Variants in TRMT11 observed in about 807,000 individuals in gnomAD.
TRMT11 encodes tRNA methyltransferase 11.
In TRMT11, 53 loss-of-function variants were observed where a neutral mutation model predicts 62.8. That is an observed-to-expected ratio of 0.84 (90% CI 0.68 to 1.06). TRMT11 has a LOEUF of 1.06. Among genes scored for constraint, TRMT11 ranks in the 50% least tolerant of loss-of-function variants. The pLI is 0.00. For missense variants in TRMT11, 556 were observed against 553.4 expected (o/e 1.00, Z -0.05); for synonymous variants, 188 against 190.3 (o/e 0.99, Z 0.10).
chr6:125,989,118 T>C (rs1173851316), intron 1 of TRMT11, among the ~76,000 whole-genome samples: 1 of 148,306 alleles, frequency 6.7e-6, no homozygotes, highest in Admixed American at 6.8e-5. Flanking sequence ...CTAAGGAGTT[T>C]GGATTCTTTT....
At chr6:126,240,413 G>T in the TRMT11 span, among the ~76,000 whole-genome samples, 1 of 152,176 alleles carries the variant, frequency 6.6e-6, no homozygotes, top group Non-Finnish European at 1.5e-5. Context: ...CTGTTTGTTA[G>T]TTTTCCTTCT....
downstream of TRMT11, among the ~76,000 whole-genome samples, chr6:126,203,824 G>A (rs997237050): frequency 1.3e-5 from 2 of 152,068 alleles, no homozygotes; most frequent in African/African-American, 4.8e-5. Flanking sequence ...AATATTCTGT[G>A]TATAGAATGA....
chr6:126,244,192 A>G, the TRMT11 span, among the ~76,000 whole-genome samples: 1 of 151,950 alleles, frequency 6.6e-6, no homozygotes, highest in African/African-American at 2.4e-5. Context: ...AAAAATCCCC[A>G]TCAGTGTATG....
chr6:126,038,756 G>A lies in TRMT11; in HGVS notation c.1312G>A (p.Gly438Ser), dbSNP rs1369857870. The A allele has an allele frequency of 6.2e-7, 1 of 1,602,616 alleles. No homozygotes were observed. Among genetic ancestry groups the A allele is most frequent in the Non-Finnish European group, 8.5e-7 (1 of 1,175,170 alleles). Residue 438 changes from glycine to serine, a missense_variant, in exon 13 of 13, where the codon GGT becomes AGT. Physicochemically the swap from Gly to Ser is moderately conservative, Grantham distance 56. Transcript: ENST00000334379. The stretch of plus-strand genomic sequence containing the variant: ...AAGTGATCATTTTCTGCCATACCAA[G>A]GTCATAATTCCTTCCGTGAGAAATA... ...LLSDHFLPYQGHNSFREKYFS... is the reference protein window; with the variant it reads ...LLSDHFLPYQSHNSFREKYFS...
intron 17 of TRMT11, among the ~76,000 whole-genome samples, chr6:126,069,893 G>A (rs1217271999): frequency 5.4e-5 from 8 of 149,400 alleles, no homozygotes; most frequent in Non-Finnish European, 1.2e-4. Context: ...AAACAAATGA[G>A]AATCTGTCAG....
chr6:126,040,796 C>T (rs529219810), downstream of TRMT11, among the ~76,000 whole-genome samples: 3 of 152,182 alleles, frequency 2.0e-5, no homozygotes, highest in South Asian at 2.1e-4. Context: ...AAACTCCAGA[C>T]GGTTACCTTG....
chr6:126,045,564 A>T (rs1383898951), intron 16 of TRMT11, among the ~76,000 whole-genome samples: 3 of 152,230 alleles, frequency 2.0e-5, no homozygotes, highest in Non-Finnish European at 4.4e-5. Flanking sequence ...CAAGTATCAG[A>T]AAGTAGGTCC....
intron 9 of TRMT11, among the ~76,000 whole-genome samples, chr6:126,012,079 C>T (rs569965844): frequency 6.6e-6 from 1 of 152,172 alleles, no homozygotes; most frequent in Admixed American, 6.6e-5. Context: ...TTCAGCCCTT[C>T]TATCTCAGCT....
chr6:126,246,847 A>G, the TRMT11 span, among the ~76,000 whole-genome samples: 2 of 152,346 alleles, frequency 1.3e-5, no homozygotes, highest in African/African-American at 4.8e-5. Flanking sequence ...TAGTTCTCAA[A>G]TCAGGCAGAG....
At chr6:125,996,111 CTA>C in intron 3 of TRMT11, 71 bp downstream of exon 3, 1 of 1,078,906 alleles carries the variant, frequency 9.3e-7, no homozygotes, top group Non-Finnish European at 1.4e-6. Context: ...CTGTTTTTTG[CTA>C]TATTGGGCAG....
At chr6:126,152,053 T>G in intron 21 of TRMT11, among the ~76,000 whole-genome samples, 1 of 146,758 alleles carries the variant, frequency 6.8e-6, no homozygotes. Context: ...CTCTCTTTTC[T>G]TTCTTTTTTT....
At chr6:126,058,242 G>A (rs1357092959) in intron 17 of TRMT11, among the ~76,000 whole-genome samples, 2 of 152,138 alleles carry the variant, frequency 1.3e-5, no homozygotes, top group African/African-American at 4.8e-5. Context: ...TGCTGAGAAT[G>A]ATGATTTCCA....
At chr6:126,223,289 T>C in the TRMT11 span, among the ~76,000 whole-genome samples, 22 of 152,076 alleles carry the variant, frequency 1.4e-4, no homozygotes, top group African/African-American at 4.6e-4. Context: ...GGCATGGTGG[T>C]GGGCGCCTGT....
chr6:126,062,319 G>T (rs6942211), intron 17 of TRMT11, among the ~76,000 whole-genome samples: 9 of 152,162 alleles, frequency 5.9e-5, no homozygotes, highest in Non-Finnish European at 1.3e-4. Flanking sequence ...TTCTTAAGGC[G>T]TAGAGGGAGG....
intron 17 of TRMT11, among the ~76,000 whole-genome samples, chr6:126,072,170 C>CA (rs1776877535): frequency 6.6e-6 from 1 of 152,134 alleles, no homozygotes; most frequent in African/African-American, 2.4e-5. Flanking sequence ...AATATTTACT[C>CA]ACTGTTCCTT....
chr6:126,110,376 A>G (rs924691892), intron 17 of TRMT11, among the ~76,000 whole-genome samples: 3 of 152,174 alleles, frequency 2.0e-5, no homozygotes, highest in Admixed American at 6.6e-5. Flanking sequence ...TTGCTTTTAC[A>G]TGGATGAAGA....
chr6:126,122,756 G>C (rs922762565), intron 21 of TRMT11, among the ~76,000 whole-genome samples: 1 of 152,050 alleles, frequency 6.6e-6, no homozygotes, highest in African/African-American at 2.4e-5. Context: ...ATATCTTTGG[G>C]TTTTAATTAT....
chr6:126,009,149 C>T (rs1402765380), intron 8 of TRMT11, among the ~76,000 whole-genome samples: 2 of 151,922 alleles, frequency 1.3e-5, no homozygotes, highest in Non-Finnish European at 2.9e-5. Context: ...TATCACCACT[C>T]ATTTAAAGAT....
At position 126,187,934 on chromosome 6, in the gene TRMT11, C is replaced by T. The variant is rs557708754; in HGVS notation, n.143+10599C>T. On this transcript the variant is annotated intron_variant and non_coding_transcript_variant, in intron 1 of 3. Transcript: ENST00000444229. ...TTCACTATTCTTTTGGAAAAGGTGACCCTTAGCTCCCTACTTCACACCATA... is the reference window on the plus strand; with the variant it reads ...TTCACTATTCTTTTGGAAAAGGTGATCCTTAGCTCCCTACTTCACACCATA... Among the ~76,000 whole-genome samples, 40 of 151,480 alleles carry T rather than the reference C, an allele frequency of 2.6e-4. No homozygotes were observed. In the South Asian group the frequency reaches 6.9e-3, roughly 26 times the overall value.
Sources: allele counts gnomAD v4.1 joint callset (sites outside exome capture counted in the v4.1 genomes callset), GRCh38; gene constraint gnomAD v4.1.1; transcripts MANE v1.5; gene names NCBI Gene and HGNC (gene_info 2026-07-23, HGNC 2026-07-21).